Variants in PPFIBP1 observed in about 807,000 individuals in gnomAD.
The protein encoded by PPFIBP1 is liprin-beta-1.
Under a neutral mutation model 137.8 loss-of-function variants are expected in PPFIBP1, and 112 were observed. The observed-to-expected ratio is 0.81, with a 90% CI of 0.70 to 0.95. PPFIBP1 has a LOEUF of 0.95. Among genes scored for constraint, PPFIBP1 ranks in the 40% least tolerant of loss-of-function variants. The pLI, the probability that PPFIBP1 is intolerant of heterozygous loss-of-function variation, is 0.00. For missense variants in PPFIBP1, 1,083 were observed against 1,196.6 expected (o/e 0.91, Z 1.40); for synonymous variants, 378 against 417.3 (o/e 0.91, Z 1.15).
chr12:27,609,575 G>T (rs535563264), intron 2 of PPFIBP1, among the ~76,000 whole-genome samples: 2 of 152,244 alleles, frequency 1.3e-5, no homozygotes, highest in East Asian at 3.9e-4. Context: ...TGTATAAGAC[G>T]CAGGGAGATT....
intron 2 of PPFIBP1, among the ~76,000 whole-genome samples, chr12:27,612,827 A>T (rs753011997): frequency 1.3e-5 from 2 of 152,144 alleles, no homozygotes; most frequent in Admixed American, 1.3e-4. Context: ...AATGGGTCAA[A>T]TTTTGTCTCT....
At chr12:27,657,748 T>A (rs2059296729) in intron 9 of PPFIBP1, among the ~76,000 whole-genome samples, 1 of 152,016 alleles carries the variant, frequency 6.6e-6, no homozygotes, top group African/African-American at 2.4e-5. Context: ...GTTTGGCATA[T>A]ATATAATTGT....
intron 1 of PPFIBP1, among the ~76,000 whole-genome samples, chr12:27,544,983 C>A (rs1469059983): frequency 5.3e-5 from 8 of 152,076 alleles, no homozygotes; most frequent in Non-Finnish European, 1.2e-4. Context: ...TGGAACCAAC[C>A]CAAATGCCCA....
chr12:27,625,694 C>T (rs2056759725), intron 2 of PPFIBP1, among the ~76,000 whole-genome samples: 2 of 151,736 alleles, frequency 1.3e-5, no homozygotes, highest in African/African-American at 4.8e-5. Flanking sequence ...AGTGATTCTC[C>T]TGCCTTAGCC....
chr12:27,680,339 T>C (rs1298123717), intron 21 of PPFIBP1, among the ~76,000 whole-genome samples: 1 of 152,164 alleles, frequency 6.6e-6, no homozygotes, highest in Non-Finnish European at 1.5e-5. Context: ...AGATGGTAAT[T>C]ACAAGTACTC....
intron 2 of PPFIBP1, among the ~76,000 whole-genome samples, chr12:27,621,166 T>C (rs1328004260): frequency 2.0e-5 from 3 of 152,374 alleles, no homozygotes; most frequent in Admixed American, 2.0e-4. Context: ...GTAAATATTT[T>C]AGGCTTCGTG....
chr12:27,642,342 C>T (rs1471571385), intron 4 of PPFIBP1, among the ~76,000 whole-genome samples: 4 of 152,174 alleles, frequency 2.6e-5, no homozygotes, highest in Non-Finnish European at 4.4e-5. Context: ...AGGGGTTGCA[C>T]CATGAGCTAA....
At chr12:27,603,241 G>A (rs1178294206) in intron 2 of PPFIBP1, among the ~76,000 whole-genome samples, 1 of 152,132 alleles carries the variant, frequency 6.6e-6, no homozygotes, top group Admixed American at 6.5e-5. Context: ...AGCTGCAGCA[G>A]GTTCATTTTT....
intron 13 of PPFIBP1, among the ~76,000 whole-genome samples, chr12:27,671,033 G>T (rs2060163045): frequency 6.6e-6 from 1 of 151,942 alleles, no homozygotes; most frequent in Non-Finnish European, 1.5e-5. Context: ...GCTGGGTACA[G>T]TGGCACACGT....
At chr12:27,665,837 G>A (rs11049086) in intron 12 of PPFIBP1, among the ~76,000 whole-genome samples, 21,451 of 152,064 alleles carry the variant, frequency 0.14, 1,827 homozygotes, top group Non-Finnish European at 0.19. Flanking sequence ...TGGCATAATC[G>A]ATTTTATAAA....
chr12:27,585,818 A>G (rs573111036), intron 2 of PPFIBP1, among the ~76,000 whole-genome samples: 2 of 152,294 alleles, frequency 1.3e-5, no homozygotes, highest in East Asian at 3.9e-4. Flanking sequence ...GAAGTAGCAC[A>G]TTAGGCCAGT....
At chr12:27,565,840 A>C (rs576298228) in intron 1 of PPFIBP1, among the ~76,000 whole-genome samples, 1 of 152,202 alleles carries the variant, frequency 6.6e-6, no homozygotes, top group African/African-American at 2.4e-5. Context: ...TCTGAGCACT[A>C]CTTTGCCGTC....
At chr12:27,587,125 A>G (rs767790375) in intron 2 of PPFIBP1, among the ~76,000 whole-genome samples, 1 of 152,198 alleles carries the variant, frequency 6.6e-6, no homozygotes, top group Non-Finnish European at 1.5e-5. Context: ...TTTTACAGTT[A>G]GGACTTGAAG....
At chr12:27,636,029 A>C (rs1452044236) in intron 4 of PPFIBP1, 2 of 152,240 alleles carry the variant, frequency 1.3e-5, no homozygotes, top group Non-Finnish European at 1.5e-5. Context: ...GAATTGTATG[A>C]AAGAATCGTG....
At chr12:27,588,271 T>A (rs1457431001) in intron 2 of PPFIBP1, among the ~76,000 whole-genome samples, 1 of 152,216 alleles carries the variant, frequency 6.6e-6, no homozygotes, top group Non-Finnish European at 1.5e-5. Context: ...TGTGGGGTAA[T>A]CTTAGAGAGC....
At chr12:27,536,612 C>G (rs1215782314) in intron 1 of PPFIBP1, among the ~76,000 whole-genome samples, 1 of 152,200 alleles carries the variant, frequency 6.6e-6, no homozygotes, top group African/African-American at 2.4e-5. Flanking sequence ...TCACCTCCCA[C>G]CAGGCCCCAC....
chr12:27,528,635 G>T (rs1361738968), intron 1 of PPFIBP1, among the ~76,000 whole-genome samples: 1 of 152,018 alleles, frequency 6.6e-6, no homozygotes, highest in Non-Finnish European at 1.5e-5. Context: ...ATGCTCAATT[G>T]GTGTTCAGTG....
Position 27,677,562 on chromosome 12 carries a change from C to CT in PPFIBP1, c.1615+468dup, listed in dbSNP as rs766824979. ...ATATTATAGTTTTAGGCTTACTTCT[C>CT]TTAGGGGAACATTCTTCTGACGTTT... On this transcript the variant is annotated intron_variant, in intron 19 of 29. Coordinates refer to ENST00000228425, the MANE Select transcript of PPFIBP1 (RefSeq NM_003622.4). 2.0e-4 allele frequency: 32 copies of CT among 157,996 alleles called. No homozygotes were observed. The Middle Eastern group carries it at 9.8e-3, about 48-fold the overall frequency. 9.8% of individuals were successfully genotyped at this position (157,996 alleles called of 1,614,324 possible).
At chr12:27,594,417 A>G (rs1249974445) in intron 2 of PPFIBP1, among the ~76,000 whole-genome samples, 1 of 152,134 alleles carries the variant, frequency 6.6e-6, no homozygotes, top group Non-Finnish European at 1.5e-5. Context: ...ACCTCAGGTG[A>G]TCCACCCACC....
Sources: allele counts gnomAD v4.1 joint callset (sites outside exome capture counted in the v4.1 genomes callset), GRCh38; gene constraint gnomAD v4.1.1; transcripts MANE v1.5; gene names NCBI Gene and HGNC (gene_info 2026-07-23, HGNC 2026-07-21).